The following HMCES variants were observed in gnomAD, a reference collection of about 807,000 sequenced individuals.
HMCES encodes the protein abasic site processing protein HMCES.
HMCES carries 27 observed loss-of-function variants against 35.1 expected under a neutral mutation model. The observed-to-expected ratio is 0.77, with a 90% CI of 0.57 to 1.06. HMCES has a LOEUF of 1.06. Ranked by LOEUF, HMCES falls within the 50% of genes least tolerant of loss-of-function variation. The pLI is 0.00. For synonymous variants in HMCES, 130 were observed against 154.7 expected (o/e 0.84, Z 1.18); for missense variants, 391 against 430.4 (o/e 0.91, Z 0.81).
At position 129,279,896 on chromosome 3, in the gene HMCES, C is replaced by T; in HGVS notation, c.164C>T (p.Ser55Phe). The T allele has an allele frequency of 1.3e-6, 2 of 1,594,654 alleles. No homozygotes were observed. Among genetic ancestry groups the T allele is most frequent in the Middle Eastern group, 1.7e-4 (1 of 5,948 alleles). The stretch of plus-strand genomic sequence containing the variant: ...CAATCCAACAGCCCAGTGCTTCTGT[C>T]TCGACTGCACTTTGAGAAGGTAACC... ...SPQSNSPVLL[S>F]RLHFEKDADS... The change falls in exon 2 of 7, where the codon TCT becomes TTT. Residue 55 changes from serine to phenylalanine, a missense_variant. Physicochemically the swap from Ser to Phe is radical, Grantham distance 155 (BLOSUM62 -2). Coordinates refer to ENST00000383463, the MANE Select transcript of HMCES (RefSeq NM_020187.3). The surrounding 1 kb of genome is among the most constrained non-coding windows in gnomAD (Gnocchi z 4.2).
chr3:129,280,065 C>T (rs1940427192), intron 2 of HMCES, 150 bp downstream of exon 2: 1 of 617,254 alleles, frequency 1.6e-6, no homozygotes, highest in Non-Finnish European at 2.6e-6. Flanking sequence ...CTCTCTTGGC[C>T]TCATGAAAGA....
chr3:129,288,722 G>T, intron 2 of HMCES, 132 bp from the exon 3 acceptor site: 9 of 775,344 alleles, frequency 1.2e-5, no homozygotes, highest in Non-Finnish European at 1.6e-5. Flanking sequence ...TTGTTTTCAA[G>T]TAGATTCCCT....
intron 4 of HMCES, among the ~76,000 whole-genome samples, chr3:129,292,651 C>T (rs1191035486): frequency 2.0e-5 from 3 of 151,692 alleles, no homozygotes; most frequent in Non-Finnish European, 4.4e-5. Flanking sequence ...TGCCACCAGG[C>T]CCGGCTAATT....
chr3:129,298,334 C>T lies in HMCES; in HGVS notation c.454-20C>T. The T allele has an allele frequency of 1.2e-6, 2 of 1,612,886 alleles. No homozygotes were observed. The highest frequency in any genetic ancestry group is 4.5e-5 in the East Asian group (2 of 44,886). ...AAGTCTGCTGAGTGCATCTAATCTGCCCATATATTTTGCTTCCAGTCAGGT... is the reference window on the plus strand; with the variant it reads ...AAGTCTGCTGAGTGCATCTAATCTGTCCATATATTTTGCTTCCAGTCAGGT... On this transcript the variant is annotated intron_variant, in intron 4 of 6. Coordinates refer to ENST00000383463, the MANE Select transcript of HMCES (RefSeq NM_020187.3).
rs1055400400 is a variant in HMCES at position 129,305,157 on chromosome 3, G to A, written c.*332G>A. The A allele has an allele frequency of 1.5e-5, 4 of 270,256 alleles. No individual in the cohort carries two copies. The highest frequency in any genetic ancestry group is 8.7e-5 in the African/African-American group (4 of 45,768). 16.7% of individuals were successfully genotyped at this position (270,256 alleles called of 1,614,324 possible). ...TCTCTGCCCTGATCTGGTACTCCTT[G>A]TAGTAAGCTGTTTTCTGCTCAGCCA... On this transcript the variant is annotated 3_prime_UTR_variant, in exon 7 of 7. Transcript: ENST00000383463.
rs1051035425 is a variant in HMCES at position 129,299,497 on chromosome 3, C to T, written c.635+962C>T. Among the ~76,000 whole-genome samples the T allele has an allele frequency of 2.0e-4, 30 of 152,196 alleles. 5 individuals are homozygous for T. The highest frequency in any genetic ancestry group is 9.2e-4 in the Admixed American group (14 of 15,276). On this transcript the variant is annotated intron_variant, in intron 5 of 6. Transcript: ENST00000383463. ...TTTTCATCTGTACTTGTGGCTTCTC[C>T]CAATAGCAGAAAGCTTTGAAAATTG...
chr3:129,290,190 C>CAAA (rs747358663), intron 3 of HMCES, among the ~76,000 whole-genome samples: 3 of 61,006 alleles, frequency 4.9e-5, no homozygotes, highest in African/African-American at 1.1e-4. Flanking sequence ...GACTCCGTCT[C>CAAA]AAAAAAAAAA....
chr3:129,297,534 T>G (rs2071108790), intron 4 of HMCES, among the ~76,000 whole-genome samples: 1 of 152,130 alleles, frequency 6.6e-6, no homozygotes, highest in Non-Finnish European at 1.5e-5. Flanking sequence ...CCCTGTGCCG[T>G]CTTTTTCGAG....
chr3:129,304,869 G>T lies in HMCES; in HGVS notation c.*44G>T. 1.4e-6 allele frequency: 2 copies of T among 1,438,808 alleles called. No individual in the cohort carries two copies. The highest frequency in any genetic ancestry group is 2.0e-6 in the Non-Finnish European group (2 of 1,022,288). The allele number at this position is 1,438,808 out of a possible 1,614,324, so 89.1% of individuals were successfully genotyped here. A position where few individuals can be genotyped will look rare whatever the true frequency, so the allele number is the denominator to read the frequency against. On this transcript the variant is annotated 3_prime_UTR_variant, in exon 7 of 7. Transcript: ENST00000383463. ...CAAGGCCAGGGTCTGCTGCACTGCT[G>T]TTCTGATAATAGGTTCTTAACATTG...
intron 2 of HMCES, among the ~76,000 whole-genome samples, chr3:129,287,164 AATGTAGTAATGTATATGT>A (rs1256402235): frequency 6.2e-4 from 95 of 152,204 alleles, no homozygotes; most frequent in African/African-American, 2.2e-3. Context: ...AGCAACGAAA[AATGTAGTAATGTATATGT>A]ACAGTGTTTT....
At chr3:129,293,827 C>G (rs772593205) in intron 4 of HMCES, among the ~76,000 whole-genome samples, 7 of 152,082 alleles carry the variant, frequency 4.6e-5, no homozygotes, top group South Asian at 2.1e-4. Context: ...CTCAGCACCC[C>G]CTAAGTGCTG....
chr3:129,281,166 G>A (rs1228255986), intron 2 of HMCES, among the ~76,000 whole-genome samples: 1 of 151,870 alleles, frequency 6.6e-6, no homozygotes, highest in East Asian at 1.9e-4. Flanking sequence ...AGGTTGCAGT[G>A]AGCTGAGATT....
At chr3:129,281,323 C>G (rs947957959) in intron 2 of HMCES, among the ~76,000 whole-genome samples, 18 of 152,160 alleles carry the variant, frequency 1.2e-4, no homozygotes, top group African/African-American at 4.3e-4. Flanking sequence ...GGTACATACT[C>G]TTTAAACTTT....
chr3:129,286,304 C>T (rs1160515716), intron 2 of HMCES, among the ~76,000 whole-genome samples: 1 of 152,144 alleles, frequency 6.6e-6, no homozygotes, highest in Non-Finnish European at 1.5e-5. Context: ...AAAGACACCC[C>T]AGAGATACCA....
At chr3:129,283,491 T>C (rs549381234) in intron 2 of HMCES, among the ~76,000 whole-genome samples, 1 of 151,682 alleles carries the variant, frequency 6.6e-6, no homozygotes, top group South Asian at 2.1e-4. Context: ...CCTTTTGACA[T>C]TTTGAGGGGG....
At chr3:129,293,878 A>G (rs2071056420) in intron 4 of HMCES, among the ~76,000 whole-genome samples, 1 of 151,934 alleles carries the variant, frequency 6.6e-6, no homozygotes, top group Non-Finnish European at 1.5e-5. Context: ...CTTGAACTTA[A>G]TTTTTACACT....
rs748364088 is a variant in HMCES at position 129,298,553 on chromosome 3, G to GC, written c.635+21dup. ...CACCACAGGCAAGTCATACTTCTTA[G>GC]CCCTGGATCCAAAAGGATCCAAAAG... On this transcript the variant is annotated intron_variant, in intron 5 of 6. Coordinates refer to ENST00000383463, the MANE Select transcript of HMCES (RefSeq NM_020187.3). The GC allele has an allele frequency of 2.4e-5, 38 of 1,607,194 alleles. No individual in the cohort carries two copies. Among genetic ancestry groups the GC allele is most frequent in the Admixed American group, 1.0e-4 (6 of 59,730 alleles).
rs767266203 is a variant in HMCES, at chr3:129,298,365, T to C, written c.465T>C (p.Ile155=). 1.7e-5 allele frequency: 28 copies of C among 1,614,086 alleles called. 1 individual carries two copies. Among genetic ancestry groups the C allele is most frequent in the East Asian group, 8.9e-5 (4 of 44,898 alleles). The change falls in exon 5 of 7, where the codon ATT becomes ATC. Residue 155 remains isoleucine, a synonymous_variant. Coordinates refer to ENST00000383463, the MANE Select transcript of HMCES (RefSeq NM_020187.3). ...PQIKTEKSGS[I]GAADSPENWE... Reference sequence around the variant, plus strand: ...TATTTTGCTTCCAGTCAGGTAGCATTGGTGCTGCAGATAGTCCTGAGAACT... The same window carrying C: ...TATTTTGCTTCCAGTCAGGTAGCATCGGTGCTGCAGATAGTCCTGAGAACT...
At chr3:129,283,155 G>T (rs1387498838) in intron 2 of HMCES, among the ~76,000 whole-genome samples, 2 of 152,142 alleles carry the variant, frequency 1.3e-5, no homozygotes, top group African/African-American at 4.8e-5. Flanking sequence ...TCCAGATACT[G>T]CCAGAAGTCT....
Sources: allele counts gnomAD v4.1 joint callset (sites outside exome capture counted in the v4.1 genomes callset), GRCh38; gene constraint gnomAD v4.1.1; non-coding constraint Gnocchi (gnomAD v3.1); transcripts MANE v1.5; gene names NCBI Gene and HGNC (gene_info 2026-07-23, HGNC 2026-07-21).